Variants in PHLDB1 observed in about 807,000 individuals in gnomAD.
The protein encoded by PHLDB1 is pleckstrin homology-like domain family B member 1.
Under a neutral mutation model 139.3 loss-of-function variants are expected in PHLDB1, and 65 were observed. That is an observed-to-expected ratio of 0.47 (90% CI 0.38 to 0.57). The LOEUF is 0.57. Ranked by LOEUF, PHLDB1 falls within the 20% of genes least tolerant of loss-of-function variation. The pLI is 0.00. For synonymous variants in PHLDB1, 679 were observed against 734.5 expected (o/e 0.92, Z 1.22); for missense variants, 1,624 against 1,839.7 (o/e 0.88, Z 2.14).
At chr11:118,623,899 T>G (rs1239586701) in intron 4 of PHLDB1, among the ~76,000 whole-genome samples, 1 of 151,208 alleles carries the variant, frequency 6.6e-6, no homozygotes, top group Non-Finnish European at 1.5e-5. Context: ...TGTGTGTGTG[T>G]GTGTGTGTGT....
intron 3 of PHLDB1, 135 bp downstream of exon 3, chr11:118,614,817 C>A: frequency 1.2e-6 from 1 of 814,014 alleles, no homozygotes; most frequent in Non-Finnish European, 1.9e-6. Flanking sequence ...CACCAGCTTG[C>A]TTCCCTTGTC....
intron 18 of PHLDB1, among the ~76,000 whole-genome samples, chr11:118,648,933 A>G (rs1947958099): frequency 6.6e-6 from 1 of 152,140 alleles, no homozygotes; most frequent in South Asian, 2.1e-4. Flanking sequence ...CATTTCCTAC[A>G]GTGCAACAAA....
intron 2 of PHLDB1, among the ~76,000 whole-genome samples, chr11:118,614,202 A>C (rs1941103848): frequency 2.0e-5 from 3 of 151,148 alleles, no homozygotes; most frequent in Admixed American, 6.6e-5. Context: ...GGCCACGTGG[A>C]TAGCCATGGA....
chr11:118,628,098 G>A lies in PHLDB1; in HGVS notation c.1275G>A (p.Val425=). The change falls in exon 6 of 23, where the codon GTG becomes GTA. Residue 425 remains valine, a synonymous_variant. Transcript: ENST00000600882. Reference sequence around the variant, plus strand: ...CAACCAGCCCCTCACGCCAACTGGTGGGCCGAACATTTTCAGATGGGTTAG... The same window carrying A: ...CAACCAGCCCCTCACGCCAACTGGTAGGCCGAACATTTTCAGATGGGTTAG... ...VLTTSPSRQL[V]GRTFSDGLAT... is the part of the protein sequence containing the mutation. 2 of 1,613,976 alleles carry A rather than the reference G, an allele frequency of 1.2e-6. No homozygotes were observed. The highest frequency in any genetic ancestry group is 1.7e-6 in the Non-Finnish European group (2 of 1,180,000).
At chr11:118,639,417 A>T (rs907325251) in intron 12 of PHLDB1, 166 bp downstream of exon 12, 1 of 608,540 alleles carries the variant, frequency 1.6e-6, no homozygotes, top group African/African-American at 1.8e-5. Context: ...TTGATTTTCC[A>T]TGGCTGCCAG....
chr11:118,645,469 G>T lies in PHLDB1; in HGVS notation c.3235G>T (p.Gly1079Cys). 7 of 1,610,328 alleles carry T rather than the reference G, an allele frequency of 4.3e-6. No individual in the cohort carries two copies. Among genetic ancestry groups the T allele is most frequent in the Non-Finnish European group, 5.9e-6 (7 of 1,178,192 alleles). ...ALHGAAPFPAGPSGFPPLMHH... is the reference protein window; with the variant it reads ...ALHGAAPFPACPSGFPPLMHH... Reference sequence around the variant, plus strand: ...TCACGGGGCAGCACCCTTCCCAGCGGGCCCCTCGGGCTTCCCCCCTCTCAT... The same window carrying T: ...TCACGGGGCAGCACCCTTCCCAGCGTGCCCCTCGGGCTTCCCCCCTCTCAT... Residue 1079 changes from glycine to cysteine, a missense_variant, in exon 16 of 23, where the codon GGC (glycine) becomes TGC (cysteine). By Grantham distance (159) the Gly-to-Cys change is radical. Coordinates refer to ENST00000600882, the MANE Select transcript of PHLDB1 (RefSeq NM_001144758.3). This position sits in a 1 kb window ranked among gnomAD's most constrained non-coding sequence, Gnocchi z 5.1.
chr11:118,635,657 T>A, intron 10 of PHLDB1, 109 bp downstream of exon 10: 1 of 1,004,750 alleles, frequency 1.0e-6, no homozygotes, highest in Non-Finnish European at 1.4e-6. Flanking sequence ...TGGATTTCCT[T>A]GTCTGTAAAA....
chr11:118,654,642 A>G (rs1555140191), intron 20 of PHLDB1: 1 of 151,510 alleles, frequency 6.6e-6, no homozygotes, highest in African/African-American at 2.4e-5. Context: ...CTATATCTAG[A>G]CATTATATCT....
chr11:118,645,921 C>T lies in PHLDB1; in HGVS notation c.3507+96C>T. Reference sequence around the variant, plus strand: ...TGTGCTCCACCCCAAGCCCTTCCACCCACATTAGCCTTGCCACATTCCCTT... The same window carrying T: ...TGTGCTCCACCCCAAGCCCTTCCACTCACATTAGCCTTGCCACATTCCCTT... On this transcript the variant is annotated intron_variant, in intron 17 of 22. Transcript: ENST00000600882. This position sits in a 1 kb window ranked among gnomAD's most constrained non-coding sequence, Gnocchi z 5.1. 2.5e-6 allele frequency: 2 copies of T among 812,888 alleles called. No homozygotes were observed. Among genetic ancestry groups the T allele is most frequent in the Non-Finnish European group, 4.4e-6 (2 of 459,274 alleles). The allele number at this position is 812,888 out of a possible 1,614,324, so 50.4% of individuals were successfully genotyped here.
chr11:118,644,236 C>T (rs1947073318), intron 15 of PHLDB1, 62 bp downstream of exon 15: 1 of 1,079,594 alleles, frequency 9.3e-7, no homozygotes. Flanking sequence ...GTTGCCATGC[C>T]TCCTCTATGC....
chr11:118,626,762 T>TC (rs1422228917), intron 5 of PHLDB1, among the ~76,000 whole-genome samples: 1 of 151,864 alleles, frequency 6.6e-6, no homozygotes, highest in Non-Finnish European at 1.5e-5. Context: ...CAAGCGATTC[T>TC]CATACCTCAG....
intron 20 of PHLDB1, chr11:118,654,559 CACAAAAGGTGGCAT>C (rs1379901958): frequency 6.6e-6 from 1 of 151,978 alleles, no homozygotes; most frequent in East Asian, 1.9e-4. Context: ...CTTTTTCTTG[CACAAAAGGTGGCAT>C]ACAGTACATT....
chr11:118,612,157 C>T (rs1250506291), intron 1 of PHLDB1, among the ~76,000 whole-genome samples: 1 of 150,822 alleles, frequency 6.6e-6, no homozygotes. Context: ...TATTTTTTTC[C>T]ATTACTCTAG....
chr11:118,629,869 C>A, intron 6 of PHLDB1: 2 of 437,332 alleles, frequency 4.6e-6, no homozygotes, highest in Non-Finnish European at 8.0e-6. Flanking sequence ...CACACATAAG[C>A]ACACATCTTA....
intron 9 of PHLDB1, chr11:118,633,764 A>C (rs1945166837): frequency 6.6e-6 from 1 of 152,264 alleles, no homozygotes; most frequent in Non-Finnish European, 1.5e-5. Context: ...AACTGGCCTG[A>C]TTAGGTCCTC....
rs1253809889 is a variant in PHLDB1 at position 118,611,929 on chromosome 11, C to A, written c.-21-1887C>A. On this transcript the variant is annotated intron_variant, in intron 1 of 22. Coordinates refer to ENST00000600882, the MANE Select transcript of PHLDB1 (RefSeq NM_001144758.3). The surrounding 1 kb of genome is among the most constrained non-coding windows in gnomAD (Gnocchi z 4.7). Reference sequence around the variant, plus strand: ...ATTTCAGACAGTCCTTTTTAAAAAACTGACAGCTTTATTGAGGTATAATTT... The same window carrying A: ...ATTTCAGACAGTCCTTTTTAAAAAAATGACAGCTTTATTGAGGTATAATTT... Among the ~76,000 whole-genome samples, 1 of 151,892 alleles carries A rather than the reference C, an allele frequency of 6.6e-6. No individual in the cohort carries two copies. Among genetic ancestry groups the A allele is most frequent in the Non-Finnish European group, 1.5e-5 (1 of 68,004 alleles).
chr11:118,631,161 G>A, intron 6 of PHLDB1, 46 bp from the exon 7 acceptor site: 1 of 1,374,176 alleles, frequency 7.3e-7, no homozygotes, highest in Non-Finnish European at 9.5e-7. Flanking sequence ...CCCCACCAGG[G>A]CTCAGCTTCC....
chr11:118,655,307 C>T (rs1448075898), intron 20 of PHLDB1: 1 of 247,020 alleles, frequency 4.0e-6, no homozygotes, highest in African/African-American at 2.2e-5. Flanking sequence ...TAGACTGCCT[C>T]CTTCACCATA....
intron 12 of PHLDB1, 124 bp from the exon 13 acceptor site, chr11:118,642,130 C>G (rs545950819): frequency 4.3e-5 from 39 of 900,150 alleles, no homozygotes; most frequent in Non-Finnish European, 5.2e-5. Context: ...TAACCTTCCC[C>G]TTCCTTCTTC....
Sources: allele counts gnomAD v4.1 joint callset (sites outside exome capture counted in the v4.1 genomes callset), GRCh38; gene constraint gnomAD v4.1.1; non-coding constraint Gnocchi (gnomAD v3.1); transcripts MANE v1.5; gene names NCBI Gene and HGNC (gene_info 2026-07-23, HGNC 2026-07-21).